SV2C: variants seen among roughly 807,000 people sequenced by gnomAD.
The protein encoded by SV2C is synaptic vesicle glycoprotein 2C.
In SV2C, 49 loss-of-function variants were observed where a neutral mutation model predicts 79.7. The ratio of observed to expected loss-of-function variants is 0.61; its 90% CI spans 0.49 to 0.78. The LOEUF is 0.78. Among genes scored for constraint, SV2C ranks in the 30% least tolerant of loss-of-function variants. The probability of loss-of-function intolerance (pLI) is 0.00; values close to 1 mark genes in which losing one functional copy is unlikely to be tolerated. For missense variants in SV2C, 833 were observed against 912.9 expected (o/e 0.91, Z 1.13); for synonymous variants, 334 against 333.2 (o/e 1.00, Z -0.03).
chr5:76,260,823 C>G (rs1335429913), intron 4 of SV2C, among the ~76,000 whole-genome samples: 1 of 151,060 alleles, frequency 6.6e-6, no homozygotes, highest in East Asian at 1.9e-4. Flanking sequence ...GGTACCAGTA[C>G]CATGCTATCT....
chr5:75,955,572 G>C, the SV2C span, among the ~76,000 whole-genome samples: 1 of 145,626 alleles, frequency 6.9e-6, no homozygotes, highest in Non-Finnish European at 1.5e-5. Flanking sequence ...AAGAGCTTCT[G>C]CACAGCAAAA....
intron 4 of SV2C, among the ~76,000 whole-genome samples, chr5:76,280,533 A>G (rs1747152561): frequency 6.6e-6 from 1 of 152,188 alleles, no homozygotes. Context: ...CCAGAGCAGT[A>G]AGAGTGAAGA....
chr5:75,998,243 A>G, the SV2C span, among the ~76,000 whole-genome samples: 10 of 152,192 alleles, frequency 6.6e-5, no homozygotes, highest in African/African-American at 1.9e-4. Context: ...CTGATGTTAA[A>G]TGACGAGTTA....
the SV2C span, among the ~76,000 whole-genome samples, chr5:76,030,289 T>TATTTATTTATTTA: frequency 3.1e-3 from 366 of 117,890 alleles, 4 homozygotes; most frequent in African/African-American, 0.012. Flanking sequence ...TTTTTTTTTT[T>TATTTATTTATTTA]TTTATTTATT....
intron 2 of SV2C, among the ~76,000 whole-genome samples, chr5:76,175,204 A>G (rs1743485208): frequency 6.6e-6 from 1 of 152,172 alleles, no homozygotes; most frequent in African/African-American, 2.4e-5. Context: ...TCACAGAATC[A>G]GAGCTCTTCT....
chr5:76,085,893 C>T (rs1427824435), intron 1 of SV2C, among the ~76,000 whole-genome samples: 1 of 145,690 alleles, frequency 6.9e-6, no homozygotes, highest in African/African-American at 2.6e-5. Context: ...GAGACTTTTC[C>T]CAGCATTGTT....
chr5:75,893,159 A>G, the SV2C span, among the ~76,000 whole-genome samples: 1 of 151,890 alleles, frequency 6.6e-6, no homozygotes, highest in African/African-American at 2.4e-5. Flanking sequence ...TTTGATTTGC[A>G]TTTCTCTGAT....
the SV2C span, among the ~76,000 whole-genome samples, chr5:76,010,691 T>C: frequency 1.3e-5 from 2 of 152,166 alleles, no homozygotes; most frequent in Non-Finnish European, 2.9e-5. Context: ...AACTTTAGCT[T>C]AAGTGTATTT....
chr5:76,346,202 T>A (rs1370050913), intron 12 of SV2C, among the ~76,000 whole-genome samples: 1 of 152,160 alleles, frequency 6.6e-6, no homozygotes, highest in African/African-American at 2.4e-5. Flanking sequence ...TAGGTGTAAA[T>A]AATCTTAAGT....
chr5:75,963,757 C>T, the SV2C span, among the ~76,000 whole-genome samples: 1 of 152,066 alleles, frequency 6.6e-6, no homozygotes, highest in Admixed American at 6.6e-5. Flanking sequence ...TCCTCACCTC[C>T]ATTTTCTCTG....
chr5:76,306,729 A>G (rs1748206754), intron 12 of SV2C, among the ~76,000 whole-genome samples: 1 of 152,260 alleles, frequency 6.6e-6, no homozygotes, highest in Non-Finnish European at 1.5e-5. Context: ...ACAGAAATGA[A>G]TTAATAACCT....
chr5:76,015,923 T>C, the SV2C span, among the ~76,000 whole-genome samples: 1 of 152,076 alleles, frequency 6.6e-6, no homozygotes, highest in Non-Finnish European at 1.5e-5. Context: ...ATCTTTGATA[T>C]ATAAGACAGC....
At chr5:76,255,724 C>T (rs1265602315) in intron 4 of SV2C, among the ~76,000 whole-genome samples, 1 of 152,198 alleles carries the variant, frequency 6.6e-6, no homozygotes, top group Non-Finnish European at 1.5e-5. Context: ...AGTGGTCACG[C>T]CTGGCCACCT....
intron 12 of SV2C, among the ~76,000 whole-genome samples, chr5:76,340,537 G>C (rs1427442110): frequency 1.3e-5 from 2 of 152,148 alleles, no homozygotes; most frequent in Non-Finnish European, 1.5e-5. Flanking sequence ...CAGTGGGACA[G>C]CTAGCAATAA....
At chr5:75,893,821 T>C in the SV2C span, among the ~76,000 whole-genome samples, 1 of 151,934 alleles carries the variant, frequency 6.6e-6, no homozygotes, top group Non-Finnish European at 1.5e-5. Flanking sequence ...ATGAAAGCAG[T>C]GGAAAGTCTC....
intron 4 of SV2C, among the ~76,000 whole-genome samples, chr5:76,258,111 G>T (rs1324834536): frequency 6.8e-6 from 1 of 146,564 alleles, no homozygotes; most frequent in Non-Finnish European, 1.5e-5. Context: ...GTGTGTGGGG[G>T]TGTGGTGTAT....
chr5:75,850,289 A>C, the SV2C span, among the ~76,000 whole-genome samples: 2 of 152,222 alleles, frequency 1.3e-5, no homozygotes, highest in African/African-American at 4.8e-5. Context: ...CTGAATTAAA[A>C]TGTATACACA....
At chr5:75,959,399 A>C in the SV2C span, among the ~76,000 whole-genome samples, 2 of 152,034 alleles carry the variant, frequency 1.3e-5, no homozygotes, top group East Asian at 1.9e-4. Context: ...TTAACATCTC[A>C]TGTGGGTGTT....
intron 4 of SV2C, among the ~76,000 whole-genome samples, chr5:76,244,404 G>A (rs757838393): frequency 2.6e-5 from 4 of 152,168 alleles, no homozygotes; most frequent in Non-Finnish European, 5.9e-5. Context: ...GTGCTGTCCA[G>A]TAGAAATATA....
Sources: allele counts gnomAD v4.1 joint callset (sites outside exome capture counted in the v4.1 genomes callset), GRCh38; gene constraint gnomAD v4.1.1; transcripts MANE v1.5; gene names NCBI Gene and HGNC (gene_info 2026-07-23, HGNC 2026-07-21).